Variants in NT5DC2 observed in about 807,000 individuals in gnomAD.
The protein encoded by NT5DC2 is 5'-nucleotidase domain containing 2.
A neutral mutation model predicts 70.0 loss-of-function variants in NT5DC2; 41 were observed. The observed-to-expected ratio is 0.59, with a 90% CI of 0.46 to 0.76. The LOEUF (loss-of-function observed/expected upper bound fraction) is 0.76, where lower values mean the gene tolerates loss of function less well. Ranked by LOEUF, NT5DC2 falls within the 30% of genes least tolerant of loss-of-function variation. The pLI, the probability that NT5DC2 is intolerant of heterozygous loss-of-function variation, is 0.00. For missense variants in NT5DC2, 705 were observed against 783.2 expected (o/e 0.90, Z 1.19); for synonymous variants, 299 against 310.4 (o/e 0.96, Z 0.39).
chr3:52,528,727 G>A lies in NT5DC2; in HGVS notation c.493-35C>T, dbSNP rs748746184. ...CCAGGGAGGCAGGACGGATGGTGAG[G>A]AGGCAGTTTCACCGTGGCCCCAAGC... On this transcript the variant is annotated intron_variant, in intron 3 of 13. Coordinates refer to ENST00000422318, the MANE Select transcript of NT5DC2 (RefSeq NM_001134231.2). 6.2e-6 allele frequency: 10 copies of A among 1,608,610 alleles called. No homozygotes were observed. In the East Asian group the frequency reaches 2.2e-4, roughly 36 times the overall value.
rs1261916631 is a variant in NT5DC2 at position 52,533,817 on chromosome 3, C to G, written c.-80G>C. ...CGCCCGCCGCCCTCCGACTGCGCGC[C>G]CGCCACGGTGGCCTCGTGCTCCTCA... On this transcript the variant is annotated 5_prime_UTR_variant, in exon 1 of 14. Coordinates refer to ENST00000422318, the MANE Select transcript of NT5DC2 (RefSeq NM_001134231.2). The G allele has an allele frequency of 1.0e-6, 1 of 977,032 alleles. No individual in the cohort carries two copies. The allele number at this position is 977,032 out of a possible 1,614,324, so 60.5% of individuals were successfully genotyped here.
In NT5DC2 at chr3:52,529,672, AAC is replaced by A. The variant is rs1434778114; in HGVS notation, c.233-340_233-339del. Among the ~76,000 whole-genome samples the A allele has an allele frequency of 1.3e-5, 2 of 152,098 alleles. No individual in the cohort carries two copies. Among genetic ancestry groups the A allele is most frequent in the Admixed American group, 1.3e-4 (2 of 15,278 alleles). On this transcript the variant is annotated intron_variant, in intron 1 of 13. Coordinates refer to ENST00000422318, the MANE Select transcript of NT5DC2 (RefSeq NM_001134231.2). This position sits in a 1 kb window ranked among gnomAD's most constrained non-coding sequence, Gnocchi z 4.1. ...CCCATCAGACACAAGGCCATGCTAG[AAC>A]CCTGGCAGCAGTCACTCAACTCCTC...
intron 1 of NT5DC2, chr3:52,532,098 T>C: frequency 1.2e-6 from 1 of 812,360 alleles, no homozygotes; most frequent in Non-Finnish European, 1.5e-6. Context: ...TCTCAGCCCG[T>C]GGGCATTAGC....
chr3:52,524,571 G>A lies in NT5DC2; in HGVS notation c.1573C>T (p.Arg525Cys), dbSNP rs749013566. ...NYRVDFTFYPRRTPLQHEAPL... is the reference protein window; with the variant it reads ...NYRVDFTFYPCRTPLQHEAPL... ...GCCTCGTGCTGCAGCGGCGTACGGC[G>A]TGGGTAGAAGGTGAAGTCCACGCGG... Residue 525 changes from arginine to cysteine, a missense_variant, in exon 14 of 14, where the codon CGC becomes TGC. By Grantham distance (180) the Arg-to-Cys change is radical. Coordinates refer to ENST00000422318, the MANE Select transcript of NT5DC2 (RefSeq NM_001134231.2). 43 of 1,613,032 alleles carry A rather than the reference G, an allele frequency of 2.7e-5. No homozygotes were observed. In the South Asian group the frequency reaches 3.6e-4, roughly 14 times the overall value.
At position 52,531,739 on chromosome 3, in the gene NT5DC2, C is replaced by G. The variant is rs567864967; in HGVS notation, c.232+1767G>C. On this transcript the variant is annotated intron_variant, in intron 1 of 13. Transcript: ENST00000422318. The surrounding 1 kb of genome is among the most constrained non-coding windows in gnomAD (Gnocchi z 4.1). ...GCATGTCCAGCAATTGCCCTCCTTTCTCCTCAGCCCTAGCTCCCACACCTG... is the reference window on the plus strand; with the variant it reads ...GCATGTCCAGCAATTGCCCTCCTTTGTCCTCAGCCCTAGCTCCCACACCTG... Among the ~76,000 whole-genome samples, 19 of 152,026 alleles carry G rather than the reference C, an allele frequency of 1.2e-4. No homozygotes were observed. Among genetic ancestry groups the G allele is most frequent in the Admixed American group, 9.2e-4 (14 of 15,278 alleles).
In NT5DC2 at chr3:52,533,565, C is replaced by T. The variant is rs1402567720; in HGVS notation, c.173G>A (p.Gly58Asp). ...CCATAGGTGCGCGCTGAGGTCGGCGCCGCTGGTGGGTGCCTGGGCGGGCGC... is the reference window on the plus strand; with the variant it reads ...CCATAGGTGCGCGCTGAGGTCGGCGTCGCTGGTGGGTGCCTGGGCGGGCGC... The part of the protein sequence containing the change: ...RSAPAQAPTS[G>D]ADLSAHLWAR... The change falls in exon 1 of 14, where the codon GGC becomes GAC. Residue 58 changes from glycine to aspartate, a missense_variant. Transcript: ENST00000422318. 5.9e-6 allele frequency: 8 copies of T among 1,344,988 alleles called. No homozygotes were observed. The East Asian group carries it at 1.9e-4, about 31-fold the overall frequency. The allele number at this position is 1,344,988 out of a possible 1,614,324, so 83.3% of individuals were successfully genotyped here. A position where few individuals can be genotyped will look rare whatever the true frequency, so the allele number is the denominator to read the frequency against.
rs529519073 is a variant in NT5DC2, at chr3:52,529,871, G to A, written c.233-537C>T. The A allele has an allele frequency of 3.6e-3, 594 of 166,004 alleles. 5 individuals carry two copies. Among genetic ancestry groups the A allele is most frequent in the South Asian group, 0.019 (124 of 6,540 alleles). 10.3% of individuals were successfully genotyped at this position (166,004 alleles called of 1,614,324 possible). A position where few individuals can be genotyped will look rare whatever the true frequency, so the allele number is the denominator to read the frequency against. ...TGGCCTCATCTCTCAGCCTCCCTGG[G>A]ATTATGTGTGAGGATACCATGTGGG... is the stretch of plus-strand genomic sequence containing the variant. On this transcript the variant is annotated intron_variant, in intron 1 of 13. Coordinates refer to ENST00000422318, the MANE Select transcript of NT5DC2 (RefSeq NM_001134231.2). This position sits in a 1 kb window ranked among gnomAD's most constrained non-coding sequence, Gnocchi z 4.1.
intron 10 of NT5DC2, 78 bp from the exon 11 acceptor site, chr3:52,525,373 C>A: frequency 8.8e-7 from 1 of 1,138,020 alleles, no homozygotes; most frequent in South Asian, 1.4e-5. Flanking sequence ...TCCCCAGAGG[C>A]AGCCCAAATC....
chr3:52,527,631 G>A lies in NT5DC2; in HGVS notation c.1023C>T (p.Phe341=). The part of the protein sequence containing the change: ...VIVQADKPSF[F]TDRRKPFRKL... Reference sequence around the variant, plus strand: ...CATGCCCATACTTGCGCCGGTCAGTGAAGAAGCTGGGCTTGTCTGCCTGGA... The same window carrying A: ...CATGCCCATACTTGCGCCGGTCAGTAAAGAAGCTGGGCTTGTCTGCCTGGA... Residue 341 remains phenylalanine, a synonymous_variant, in exon 9 of 14, where the codon TTC becomes TTT. Coordinates refer to ENST00000422318, the MANE Select transcript of NT5DC2 (RefSeq NM_001134231.2). 6.2e-7 allele frequency: 1 copy of A among 1,613,052 alleles called. No homozygotes were observed. Among genetic ancestry groups the A allele is most frequent in the East Asian group, 2.2e-5 (1 of 44,890 alleles).
intron 1 of NT5DC2, among the ~76,000 whole-genome samples, chr3:52,530,877 G>C (rs1294131815): frequency 6.6e-6 from 1 of 152,138 alleles, no homozygotes; most frequent in Non-Finnish European, 1.5e-5. Context: ...CCAGAAGCAG[G>C]GGCTGCAGGG....
At chr3:52,532,269 G>A in intron 1 of NT5DC2, 1 of 985,434 alleles carries the variant, frequency 1.0e-6, no homozygotes, top group Non-Finnish European at 1.2e-6. Flanking sequence ...ATGTCCAGTA[G>A]ATCCCCGTAG....
intron 10 of NT5DC2, 174 bp from the exon 11 acceptor site, chr3:52,525,469 A>T: frequency 1.6e-6 from 1 of 616,248 alleles, no homozygotes; most frequent in Non-Finnish European, 3.0e-6. Flanking sequence ...CCTACTTGGG[A>T]AGGGGATTCT....
Position 52,524,993 on chromosome 3 carries a change from CTGCTGCCACGTCAGCGAG to C in NT5DC2, c.1299_1316del (p.His433_Gln438del). ...TGCGCTCCAGCAGCCCCGTGAGCGC[CTGCTGCCACGTCAGCGAG>C]TGCATGTACTGCTCCGTGTTGATGA... On this transcript the variant is annotated inframe_deletion, in exon 12 of 14. Transcript: ENST00000422318. 6 of 1,610,728 alleles carry C rather than the reference CTGCTGCCACGTCAGCGAG, an allele frequency of 3.7e-6. No homozygotes were observed. Among genetic ancestry groups the C allele is most frequent in the Non-Finnish European group, 5.1e-6 (6 of 1,179,330 alleles).
rs767196413 is a variant in NT5DC2, at chr3:52,528,485, C to T, written c.603G>A (p.Gln201=). The T allele has an allele frequency of 6.2e-7, 1 of 1,613,732 alleles. No homozygotes were observed. The highest frequency in any genetic ancestry group is 1.1e-5 in the South Asian group (1 of 91,082). Residue 201 remains glutamine (Q), a synonymous_variant, in exon 5 of 14, where the codon CAG becomes CAA. Coordinates refer to ENST00000422318, the MANE Select transcript of NT5DC2 (RefSeq NM_001134231.2). ...EEVIELYGGT[Q]HIPLYQMSGF... is the part of the protein sequence containing the mutation. ...CACTCATCTGGTATAGTGGGATGTGCTGGGTACCCCCATACAGCTCAATCA... is the reference window on the plus strand; with the variant it reads ...CACTCATCTGGTATAGTGGGATGTGTTGGGTACCCCCATACAGCTCAATCA...
At chr3:52,534,645 CA>C, upstream of NT5DC2, 1 of 1,612,562 alleles carries the variant, frequency 6.2e-7, no homozygotes, top group East Asian at 2.2e-5. Context: ...AACCGCTCTC[CA>C]CTCGCATTTC....
intron 1 of NT5DC2, among the ~76,000 whole-genome samples, chr3:52,530,933 C>T (rs924511391): frequency 6.6e-6 from 1 of 152,172 alleles, no homozygotes; most frequent in Non-Finnish European, 1.5e-5. Context: ...ATCTAGTACC[C>T]CTGCCTTGCA....
chr3:52,528,160 G>A (rs371707270), intron 6 of NT5DC2, 23 bp downstream of exon 6: 10 of 1,612,892 alleles, frequency 6.2e-6, no homozygotes, highest in African/African-American at 2.7e-5. Context: ...CCTGCCATCC[G>A]AGGGCAGGCC....
rs2079360902 is a variant in NT5DC2, at chr3:52,531,663, G to C, written c.232+1843C>G. On this transcript the variant is annotated intron_variant, in intron 1 of 13. Transcript: ENST00000422318. The surrounding 1 kb of genome is among the most constrained non-coding windows in gnomAD (Gnocchi z 4.1). Reference sequence around the variant, plus strand: ...GACAGAAGCCTGTTCCCTTCCATAGGTGGTGTGGGTGGGGGGTGGGGGTGG... The same window carrying C: ...GACAGAAGCCTGTTCCCTTCCATAGCTGGTGTGGGTGGGGGGTGGGGGTGG... Among the ~76,000 whole-genome samples the C allele has an allele frequency of 1.5e-5, 2 of 134,396 alleles. No individual in the cohort carries two copies. Among genetic ancestry groups the C allele is most frequent in the Non-Finnish European group, 3.2e-5 (2 of 62,718 alleles). 88.2% of individuals were successfully genotyped at this position (134,396 alleles called of 152,430 possible). A position where few individuals can be genotyped will look rare whatever the true frequency, so the allele number is the denominator to read the frequency against.
In NT5DC2 at chr3:52,527,688, G is replaced by A. The variant is rs551059201; in HGVS notation, c.966C>T (p.Pro322=). 33 of 1,613,216 alleles carry A rather than the reference G, an allele frequency of 2.0e-5. No homozygotes were observed. The highest frequency in any genetic ancestry group is 3.3e-5 in the Admixed American group (2 of 60,016). ...CCACATCGAAGAGCTGGCGCCAATC[G>A]GGACCCACCATGTGCCGCATCCCCT... is the stretch of plus-strand genomic sequence containing the variant. ...VDKGMRHMVG[P]DWRQLFDVVI... Residue 322 remains proline (P), a synonymous_variant, in exon 9 of 14, where the codon CCC becomes CCT. Transcript: ENST00000422318.
Sources: allele counts gnomAD v4.1 joint callset (sites outside exome capture counted in the v4.1 genomes callset), GRCh38; gene constraint gnomAD v4.1.1; non-coding constraint Gnocchi (gnomAD v3.1); transcripts MANE v1.5; gene names NCBI Gene and HGNC (gene_info 2026-07-23, HGNC 2026-07-21).